Variants in CD99 observed in about 807,000 individuals in gnomAD.
CD99 encodes the protein CD99 molecule (Xg blood group).
A neutral mutation model predicts 28.4 loss-of-function variants in CD99; 19 were observed. The ratio of observed to expected loss-of-function variants is 0.67; its 90% CI spans 0.47 to 0.98. The LOEUF is 0.98. CD99 is among the 50% of genes least tolerant of loss of function. CD99 has a pLI of 0.00. For synonymous variants in CD99, 103 were observed against 92.1 expected (o/e 1.12, Z -0.67); for missense variants, 283 against 248.8 (o/e 1.14, Z -0.92).
At chrX:2,739,298 GAAAA>G (rs1197796998) in intron 9 of CD99, among the ~76,000 whole-genome samples, 1 of 151,928 alleles carries the variant, frequency 6.6e-6, no homozygotes, top group East Asian at 1.9e-4. Context: ...AAAATGGCAA[GAAAA>G]AAATGTGTGT....
In CD99 at chrX:2,720,393, A is replaced by G; in HGVS notation, c.231A>G (p.Pro77=). ...PRPPNPPKPM[P]NPNPNHPSSS... ...CACCGAACCCACCCAAACCGATGCC[A>G]AATCCAAACCCCAACCACCCTAGTT... Residue 77 remains proline (P), a synonymous_variant, in exon 5 of 10, where the codon CCA becomes CCG. Transcript: ENST00000381192. The G allele has an allele frequency of 6.2e-7, 1 of 1,613,890 alleles. No individual in the cohort carries two copies. The highest frequency in any genetic ancestry group is 8.5e-7 in the Non-Finnish European group (1 of 1,179,852).
At chrX:2,717,937 CTTTTTTTTTT>C (rs527447220) in intron 3 of CD99, 3 of 164,836 alleles carry the variant, frequency 1.8e-5, no homozygotes, top group South Asian at 1.2e-4. Context: ...ATTTTCTTCC[CTTTTTTTTTT>C]TTTTTTTTTT....
At chrX:2,717,905 G>A (rs189833710) in intron 3 of CD99, 18,818 of 514,904 alleles carry the variant, frequency 0.037, 431 homozygotes, top group Middle Eastern at 0.051. Context: ...TATTCTAAGG[G>A]TCTGAGTTAC....
intron 8 of CD99, among the ~76,000 whole-genome samples, chrX:2,737,240 C>T (rs188528891): frequency 3.4e-4 from 51 of 151,274 alleles, no homozygotes; most frequent in Admixed American, 5.3e-4. Context: ...TGCAGTGCCA[C>T]GATCTCAGCT....
intron 1 of CD99, among the ~76,000 whole-genome samples, chrX:2,700,462 GTCCATCCA>G (rs994465390): frequency 6.8e-6 from 1 of 147,532 alleles, no homozygotes; most frequent in African/African-American, 2.5e-5. Flanking sequence ...CCATCCGTTC[GTCCATCCA>G]TCCATCCATC....
At chrX:2,731,495 C>CA (rs2049603881) in intron 8 of CD99, among the ~76,000 whole-genome samples, 1 of 152,068 alleles carries the variant, frequency 6.6e-6, no homozygotes, top group African/African-American at 2.4e-5. Flanking sequence ...GAGGCTGAGG[C>CA]AGGAGAATCG....
chrX:2,692,852 A>G (rs932962502), intron 1 of CD99, among the ~76,000 whole-genome samples: 1 of 152,172 alleles, frequency 6.6e-6, no homozygotes, highest in East Asian at 1.9e-4. Context: ...GGTCAGGGAA[A>G]TATATCCAAG....
At chrX:2,728,268 C>T (rs1002297786) in intron 8 of CD99, among the ~76,000 whole-genome samples, 13 of 148,686 alleles carry the variant, frequency 8.7e-5, no homozygotes, top group Non-Finnish European at 1.5e-4. Flanking sequence ...GCAATGGCTC[C>T]ATCTTGGCTC....
In CD99 at chrX:2,740,785, G is replaced by A. The variant is rs150825051; in HGVS notation, c.539G>A (p.Arg180His). 1.1e-4 allele frequency: 173 copies of A among 1,613,880 alleles called. No individual in the cohort carries two copies. The African/African-American group carries it at 1.3e-3, about 12-fold the overall frequency. ...TTGTCTCTGTCTCCCACAGTTCAGCGTACTCTTTTAGAGAAATAGAAGATT... is the reference window on the plus strand; with the variant it reads ...TTGTCTCTGTCTCCCACAGTTCAGCATACTCTTTTAGAGAAATAGAAGATT... ...RNANAEPAVQ[R>H]TLLEK The change falls in exon 10 of 10, where the codon CGT becomes CAT. Residue 180 changes from arginine to histidine, a missense_variant. Coordinates refer to ENST00000381192, the MANE Select transcript of CD99 (RefSeq NM_002414.5).
chrX:2,714,403 C>G lies in CD99; in HGVS notation c.68-19C>G, dbSNP rs2048585649. On this transcript the variant is annotated intron_variant, in intron 1 of 9. Coordinates refer to ENST00000381192, the MANE Select transcript of CD99 (RefSeq NM_002414.5). Reference sequence around the variant, plus strand: ...TTTATTTTTCTTGTTTCTAAGTTGACTCTTTTTTTCTCTCTTAGATGGTGG... The same window carrying G: ...TTTATTTTTCTTGTTTCTAAGTTGAGTCTTTTTTTCTCTCTTAGATGGTGG... The G allele has an allele frequency of 1.3e-6, 2 of 1,553,776 alleles. No homozygotes were observed. The highest frequency in any genetic ancestry group is 1.4e-5 in the African/African-American group (1 of 74,022).
intron 3 of CD99, among the ~76,000 whole-genome samples, chrX:2,718,329 A>C (rs2048834487): frequency 6.6e-6 from 1 of 151,044 alleles, no homozygotes; most frequent in African/African-American, 2.4e-5. Flanking sequence ...ACCTGTGGGC[A>C]CACACCTCAT....
intron 2 of CD99, among the ~76,000 whole-genome samples, chrX:2,716,378 T>G (rs1342965467): frequency 1.3e-5 from 2 of 151,974 alleles, no homozygotes; most frequent in Admixed American, 6.6e-5. Flanking sequence ...GCTGTGTTGC[T>G]CAGGTTGGAG....
At chrX:2,715,364 C>T (rs2048644560) in intron 2 of CD99, 1 of 152,262 alleles carries the variant, frequency 6.6e-6, no homozygotes. Context: ...GACCCATGCT[C>T]CCTCTAGGGG....
chrX:2,709,003 G>A (rs2048252727), intron 1 of CD99, among the ~76,000 whole-genome samples: 1 of 152,170 alleles, frequency 6.6e-6, no homozygotes, highest in Admixed American at 6.5e-5. Context: ...GGCAGGTGGA[G>A]CAAGAAAAGG....
chrX:2,710,111 G>A (rs1220282175), intron 1 of CD99, among the ~76,000 whole-genome samples: 6 of 152,206 alleles, frequency 3.9e-5, no homozygotes, highest in Admixed American at 6.5e-5. Flanking sequence ...CTAGGATTGC[G>A]TGTTCTGTGT....
intron 1 of CD99, among the ~76,000 whole-genome samples, chrX:2,713,924 C>G (rs1366919931): frequency 1.3e-5 from 2 of 152,048 alleles, no homozygotes; most frequent in African/African-American, 2.4e-5. Flanking sequence ...GGTAGCCTAT[C>G]AATAATTCAG....
At position 2,709,636 on chromosome X, in the gene CD99, T is replaced by C. The variant is rs183756910; in HGVS notation, c.68-4786T>C. ...CACACACAGAAACCACATGAATGCA[T>C]GAGCACGCGTATATGAAATACACAT... On this transcript the variant is annotated intron_variant, in intron 1 of 9. Coordinates refer to ENST00000381192, the MANE Select transcript of CD99 (RefSeq NM_002414.5). 9.2e-4 allele frequency among the ~76,000 whole-genome samples: 140 copies of C among 152,276 alleles called. 1 individual carries two copies. Among genetic ancestry groups the C allele is most frequent in the African/African-American group, 3.3e-3 (137 of 41,554 alleles).
At chrX:2,719,816 C>A in intron 4 of CD99, 111 bp downstream of exon 4, 1 of 1,147,724 alleles carries the variant, frequency 8.7e-7, no homozygotes, top group Non-Finnish European at 1.3e-6. Flanking sequence ...CCAGTTTTCA[C>A]AGTGGAAACC....
intron 8 of CD99, 192 bp from the exon 9 acceptor site, chrX:2,738,008 T>C (rs760032321): frequency 1.4e-6 from 1 of 723,430 alleles, no homozygotes; most frequent in East Asian, 2.7e-5. Context: ...CATGAAAAAA[T>C]ACTGGCAAAG....
Sources: allele counts gnomAD v4.1 joint callset (sites outside exome capture counted in the v4.1 genomes callset), GRCh38; gene constraint gnomAD v4.1.1; transcripts MANE v1.5; gene names NCBI Gene and HGNC (gene_info 2026-07-23, HGNC 2026-07-21).